Variants in TNIP3 observed in about 807,000 individuals in gnomAD.
The protein encoded by TNIP3 is TNFAIP3 interacting protein 3.
TNIP3 carries 34 observed loss-of-function variants against 54.1 expected under a neutral mutation model. The observed-to-expected ratio is 0.63, with a 90% confidence interval of 0.48 to 0.84. The LOEUF (loss-of-function observed/expected upper bound fraction) is 0.84, where lower values mean the gene tolerates loss of function less well. Ranked by LOEUF, TNIP3 falls within the 40% of genes least tolerant of loss-of-function variation. The probability of loss-of-function intolerance (pLI) is 0.00; values close to 1 mark genes in which losing one functional copy is unlikely to be tolerated. For missense variants in TNIP3, 366 were observed against 387.6 expected, an observed-to-expected ratio of 0.94 and a Z score of 0.47; for synonymous variants, 134 against 136.8, an observed-to-expected ratio of 0.98 and a Z score of 0.14.
chr4:121,189,103 A>G (rs1374964448), intron 2 of TNIP3, among the ~76,000 whole-genome samples: 1 of 152,198 alleles, frequency 6.6e-6, no homozygotes, highest in African/African-American at 2.4e-5. Flanking sequence ...AAATCATTTA[A>G]TTGACCTCCT....
At position 121,152,008 on chromosome 4, in the gene TNIP3, T is replaced by C. The variant is rs114870507; in HGVS notation, c.493-1789A>G. On this transcript the variant is annotated intron_variant, in intron 5 of 10. Transcript: ENST00000057513. ...GGTTAAACATCTGGCTTCAGGAGCC[T>C]GATAAAAACAAACTCCTAGGTATAT... Among the ~76,000 whole-genome samples, 891 of 152,304 alleles carry C rather than the reference T, an allele frequency of 5.9e-3. 13 individuals carry two copies. The highest frequency in any genetic ancestry group is 0.021 in the African/African-American group (852 of 41,558).
chr4:121,132,438 C>T lies in TNIP3; in HGVS notation c.*193G>A. 1 of 498,352 alleles carries T rather than the reference C, an allele frequency of 2.0e-6. No individual in the cohort carries two copies. Among genetic ancestry groups the T allele is most frequent in the South Asian group, 4.2e-5 (1 of 24,020 alleles). 30.9% of individuals were successfully genotyped at this position (498,352 alleles called of 1,614,324 possible). A position where few individuals can be genotyped will look rare whatever the true frequency, so the allele number is the denominator to read the frequency against. ...TATTTGGTTGTATAATAACTGGCTC[C>T]TCCAATTTGATCAGGATCTTAGCTG... is the stretch of plus-strand genomic sequence containing the variant. On this transcript the variant is annotated 3_prime_UTR_variant, in exon 11 of 11. Transcript: ENST00000057513.
At chr4:121,155,565 CA>C (rs1248300182) in intron 4 of TNIP3, among the ~76,000 whole-genome samples, 6 of 152,108 alleles carry the variant, frequency 3.9e-5, no homozygotes, top group Non-Finnish European at 8.8e-5. Flanking sequence ...TTTTAGATGA[CA>C]ATCTAAAATT....
intron 5 of TNIP3, 95 bp from the exon 6 acceptor site, chr4:121,150,314 A>C: frequency 1.5e-6 from 1 of 684,346 alleles, no homozygotes; most frequent in Middle Eastern, 3.1e-4. Context: ...GCACCCACAA[A>C]TATGCATTTC....
At chr4:121,205,130 G>T (rs1452648224) in intron 2 of TNIP3, among the ~76,000 whole-genome samples, 2 of 152,174 alleles carry the variant, frequency 1.3e-5, no homozygotes, top group Admixed American at 6.5e-5. Flanking sequence ...GTGGAATCAG[G>T]GTTATGAGGT....
intron 10 of TNIP3, among the ~76,000 whole-genome samples, chr4:121,135,399 T>A (rs1052341395): frequency 8.5e-5 from 13 of 152,108 alleles, no homozygotes; most frequent in Admixed American, 2.0e-4. Flanking sequence ...TCTTTTTTTT[T>A]ATTTTTTTTT....
chr4:121,224,890 A>G (rs923321399), intron 1 of TNIP3, among the ~76,000 whole-genome samples: 1 of 152,182 alleles, frequency 6.6e-6, no homozygotes, highest in African/African-American at 2.4e-5. Context: ...TAATATTGAA[A>G]AAAAATGACA....
Position 121,174,420 on chromosome 4 carries a change from A to G in TNIP3, c.189+8256T>C, listed in dbSNP as rs146916264. On this transcript the variant is annotated intron_variant, in intron 3 of 12. Transcript: ENST00000507879. ...ACCCTGTCTCTAAAATAATAATAAT[A>G]ATAAACAAAATAAAAAAAATAAGAA... Among the ~76,000 whole-genome samples the G allele has an allele frequency of 9.2e-5, 14 of 151,924 alleles. 1 individual carries two copies. The East Asian group carries it at 2.5e-3, about 27-fold the overall frequency.
At chr4:121,200,832 T>C (rs1725843764) in intron 2 of TNIP3, among the ~76,000 whole-genome samples, 1 of 152,220 alleles carries the variant, frequency 6.6e-6, no homozygotes, top group Admixed American at 6.5e-5. Context: ...TTTCAAGTCC[T>C]CTGTTCAGGC....
At chr4:121,144,394 T>G (rs1194098139) in intron 7 of TNIP3, among the ~76,000 whole-genome samples, 1 of 151,988 alleles carries the variant, frequency 6.6e-6, no homozygotes, top group Non-Finnish European at 1.5e-5. Flanking sequence ...TTCTAAAGCG[T>G]TTTTTTGTTT....
At chr4:121,178,922 G>C (rs1465564850) in intron 3 of TNIP3, among the ~76,000 whole-genome samples, 1 of 152,026 alleles carries the variant, frequency 6.6e-6, no homozygotes, top group African/African-American at 2.4e-5. Flanking sequence ...ATACATAAGT[G>C]ATCATAAAAA....
chr4:121,186,570 G>A (rs1323598742), intron 2 of TNIP3, among the ~76,000 whole-genome samples: 1 of 152,124 alleles, frequency 6.6e-6, no homozygotes, highest in East Asian at 1.9e-4. Context: ...TTTTTGGCCT[G>A]TTTTGTAAAT....
At chr4:121,139,607 T>C (rs1234296436) in intron 9 of TNIP3, among the ~76,000 whole-genome samples, 1 of 152,202 alleles carries the variant, frequency 6.6e-6, no homozygotes, top group African/African-American at 2.4e-5. Flanking sequence ...ACAGAGAGCA[T>C]TTACAAGGCT....
upstream of TNIP3, among the ~76,000 whole-genome samples, chr4:121,166,030 AGGG>A (rs1730750076): frequency 6.6e-6 from 1 of 152,236 alleles, no homozygotes; most frequent in Non-Finnish European, 1.5e-5. Context: ...GTATTTGTAT[AGGG>A]ATGTGGTAAC....
intron 2 of TNIP3, among the ~76,000 whole-genome samples, chr4:121,209,942 A>G (rs1326843485): frequency 6.6e-6 from 1 of 152,196 alleles, no homozygotes; most frequent in Non-Finnish European, 1.5e-5. Flanking sequence ...TGAATTTTAC[A>G]TGAGTGCTTC....
chr4:121,133,053 A>G (rs1032868218), intron 10 of TNIP3, among the ~76,000 whole-genome samples: 4 of 152,212 alleles, frequency 2.6e-5, no homozygotes, highest in African/African-American at 9.7e-5. Flanking sequence ...AATATATGGT[A>G]CTGGGTACAT....
At chr4:121,163,797 A>G (rs1466016269) in intron 1 of TNIP3, among the ~76,000 whole-genome samples, 1 of 152,216 alleles carries the variant, frequency 6.6e-6, no homozygotes, top group Non-Finnish European at 1.5e-5. Context: ...AGATTTTTAT[A>G]GAACAAAAAT....
chr4:121,142,530 T>C (rs1729181383), intron 8 of TNIP3, among the ~76,000 whole-genome samples, 196 bp downstream of exon 8: 1 of 152,234 alleles, frequency 6.6e-6, no homozygotes, highest in South Asian at 2.1e-4. Flanking sequence ...ATAAAGCATA[T>C]GCTTTCTATG....
chr4:121,133,178 T>C (rs1197922157), intron 10 of TNIP3, among the ~76,000 whole-genome samples: 1 of 152,142 alleles, frequency 6.6e-6, no homozygotes, highest in Non-Finnish European at 1.5e-5. Flanking sequence ...GAATACTACA[T>C]GAAAGACAAA....
Sources: gnomAD v4.1 joint callset for allele counts (sites outside exome capture counted in the v4.1 genomes callset) on GRCh38, gnomAD v4.1.1 for gene constraint, MANE v1.5 for transcripts, NCBI Gene and HGNC (gene_info 2026-07-23, HGNC 2026-07-21) for gene names.